PSPC1: variants seen among roughly 807,000 people sequenced by gnomAD.
PSPC1 encodes the protein paraspeckle protein 1.
Under a neutral mutation model 51.6 loss-of-function variants are expected in PSPC1, and 14 were observed. The ratio of observed to expected loss-of-function variants is 0.27; its 90% confidence interval spans 0.18 to 0.42. The LOEUF (loss-of-function observed/expected upper bound fraction) is 0.42. PSPC1 is among the 10% of genes least tolerant of loss of function. The pLI is 1.00. For synonymous variants in PSPC1, 193 were observed against 231.9 expected (o/e 0.83, Z 1.53); for missense variants, 406 against 701.1 (o/e 0.58, Z 4.75).
At chr13:19,704,888 T>A (rs1593573171) in intron 8 of PSPC1, among the ~76,000 whole-genome samples, 1 of 152,198 alleles carries the variant, frequency 6.6e-6, no homozygotes, top group East Asian at 1.9e-4. Flanking sequence ...AATGGTGGTT[T>A]GGAAATACAC....
At position 19,730,299 on chromosome 13, in the gene PSPC1, G is replaced by C. The variant is rs1566001225; in HGVS notation, c.1098C>G (p.His366Gln). The change falls in exon 6 of 9, where the codon CAC (histidine) becomes CAG (glutamine). Residue 366 changes from histidine to glutamine, a missense_variant. By Grantham distance (24) the His-to-Gln change is conservative. Around this residue, in one of 5 missense-constraint regions of PSPC1, gnomAD observed 61 missense variants for 78.4 expected, o/e 0.78. Transcript: ENST00000338910. ...HRRREEEMIRHREQEELRRQQ... is the reference protein window; with the variant it reads ...HRRREEEMIRQREQEELRRQQ... ...GTCGCCTCAGTTCCTCCTGTTCTCT[G>C]TGTCGGATCATTTCTTCCTCACGCC... 1 of 1,613,972 alleles carries C rather than the reference G, an allele frequency of 6.2e-7. No individual in the cohort carries two copies. Among genetic ancestry groups the C allele is most frequent in the Admixed American group, 1.7e-5 (1 of 59,996 alleles).
intron 7 of PSPC1, among the ~76,000 whole-genome samples, chr13:19,676,534 G>C (rs1446786971): frequency 1.2e-4 from 19 of 152,018 alleles, no homozygotes; most frequent in Admixed American, 9.8e-4. Context: ...CTCAAACCAA[G>C]TGCACACAAA....
intron 1 of PSPC1, among the ~76,000 whole-genome samples, chr13:19,774,266 A>G (rs542021808): frequency 1.3e-5 from 2 of 152,308 alleles, no homozygotes; most frequent in South Asian, 2.1e-4. Context: ...CTCTCCAAGG[A>G]CAACTGAAGA....
chr13:19,758,130 T>C (rs889107843), intron 3 of PSPC1, among the ~76,000 whole-genome samples: 9 of 151,950 alleles, frequency 5.9e-5, no homozygotes, highest in Admixed American at 1.3e-4. Flanking sequence ...CTGGCTAACA[T>C]GGTGAAACCC....
At position 19,765,255 on chromosome 13, in the gene PSPC1, C is replaced by T. The variant is rs186562450; in HGVS notation, c.675-5837G>A. Among the ~76,000 whole-genome samples, 694 of 151,042 alleles carry T rather than the reference C, an allele frequency of 4.6e-3. 5 individuals carry two copies. Among genetic ancestry groups the T allele is most frequent in the South Asian group, 0.026 (126 of 4,774 alleles). ...ACAGGAATCACTTGAACCCAGAAGGCAGAGGTTGCAGTGAGCCAAGATCAT... is the reference window on the plus strand; with the variant it reads ...ACAGGAATCACTTGAACCCAGAAGGTAGAGGTTGCAGTGAGCCAAGATCAT... On this transcript the variant is annotated intron_variant, in intron 2 of 8. Coordinates refer to ENST00000338910, the MANE Select transcript of PSPC1 (RefSeq NM_001354909.2).
At chr13:19,730,603 C>A (rs1219947277) in intron 5 of PSPC1, among the ~76,000 whole-genome samples, 2 of 151,866 alleles carry the variant, frequency 1.3e-5, no homozygotes, top group Non-Finnish European at 2.9e-5. Context: ...TAGTTATTTG[C>A]GTATATTCAA....
intron 7 of PSPC1, among the ~76,000 whole-genome samples, chr13:19,708,380 T>C (rs1880967940): frequency 6.6e-6 from 1 of 152,260 alleles, no homozygotes; most frequent in Non-Finnish European, 1.5e-5. Context: ...TTTAGCTTCA[T>C]AACACCTTTT....
In PSPC1 at chr13:19,732,926, C is replaced by CAAAAAAAAAAAGAAAAAG. The variant is rs34848375; in HGVS notation, c.1053-2583_1053-2582insCTTTTTCTTTTTTTTTTT. Among the ~76,000 whole-genome samples, 1,342 of 142,860 alleles carry CAAAAAAAAAAAGAAAAAG rather than the reference C, an allele frequency of 9.4e-3. 21 individuals carry two copies. Among genetic ancestry groups the CAAAAAAAAAAAGAAAAAG allele is most frequent in the African/African-American group, 0.032 (1,220 of 37,638 alleles). The allele number at this position is 142,860 out of a possible 152,430, so 93.7% of individuals were successfully genotyped here. A position where few individuals can be genotyped will look rare whatever the true frequency, so the allele number is the denominator to read the frequency against. On this transcript the variant is annotated intron_variant, in intron 5 of 8. Transcript: ENST00000338910. ...TGCACAATACAGCGAGACTCCATCT[C>CAAAAAAAAAAAGAAAAAG]AAAAAAAAAAGAAAAAGAAAAAGAA...
intron 6 of PSPC1, among the ~76,000 whole-genome samples, chr13:19,689,432 T>C (rs1019019638): frequency 1.3e-5 from 2 of 152,218 alleles, no homozygotes; most frequent in Non-Finnish European, 2.9e-5. Flanking sequence ...CTAGAGTTGA[T>C]TCCATTTATT....
intron 6 of PSPC1, among the ~76,000 whole-genome samples, chr13:19,694,071 C>T (rs1226874471): frequency 2.3e-5 from 3 of 132,902 alleles, no homozygotes; most frequent in East Asian, 2.5e-4. Flanking sequence ...TGCAGTGAGC[C>T]GAGATCGCAC....
chr13:19,737,775 T>G lies in PSPC1; in HGVS notation c.1052+3790A>C, dbSNP rs185799232. On this transcript the variant is annotated intron_variant, in intron 5 of 8. Transcript: ENST00000338910. ...TACTGAAGCTTCTAGGGCCTCTCAG[T>G]AGAAAAAGCCATAAAATACAGCATA... is the stretch of plus-strand genomic sequence containing the variant. Among the ~76,000 whole-genome samples the G allele has an allele frequency of 3.3e-5, 5 of 151,944 alleles. No homozygotes were observed. The South Asian group carries it at 1.0e-3, about 32-fold the overall frequency.
At chr13:19,738,225 ACACT>A (rs1885054072) in intron 5 of PSPC1, among the ~76,000 whole-genome samples, 1 of 152,170 alleles carries the variant, frequency 6.6e-6, no homozygotes, top group Non-Finnish European at 1.5e-5. Context: ...GATTCAAATC[ACACT>A]CACACAGGAT....
At chr13:19,737,651 C>T (rs752133378) in intron 5 of PSPC1, among the ~76,000 whole-genome samples, 1 of 151,972 alleles carries the variant, frequency 6.6e-6, no homozygotes, top group Non-Finnish European at 1.5e-5. Context: ...ATGCAAAAAC[C>T]CTGTTTCTCA....
At chr13:19,680,570 TGAA>T (rs1877160460) in intron 6 of PSPC1, among the ~76,000 whole-genome samples, 1 of 152,136 alleles carries the variant, frequency 6.6e-6, no homozygotes, top group African/African-American at 2.4e-5. Flanking sequence ...TTCCTCATTC[TGAA>T]GAACAGCATC....
At chr13:19,781,521 TC>T (rs1889968136) in intron 1 of PSPC1, among the ~76,000 whole-genome samples, 1 of 152,072 alleles carries the variant, frequency 6.6e-6, no homozygotes, top group Non-Finnish European at 1.5e-5. Context: ...TCAACTATTC[TC>T]CCCCCTATAA....
intron 6 of PSPC1, among the ~76,000 whole-genome samples, chr13:19,685,736 T>C (rs1288480089): frequency 6.6e-6 from 1 of 152,188 alleles, no homozygotes; most frequent in Non-Finnish European, 1.5e-5. Flanking sequence ...ATTTTGACCA[T>C]TCTAGTTTCC....
At chr13:19,778,118 T>C (rs1338753482) in intron 1 of PSPC1, among the ~76,000 whole-genome samples, 1 of 151,690 alleles carries the variant, frequency 6.6e-6, no homozygotes, top group African/African-American at 2.4e-5. Context: ...TGCATGCGCC[T>C]GTAGTCCCAG....
intron 6 of PSPC1, among the ~76,000 whole-genome samples, chr13:19,726,038 C>T (rs890540726): frequency 2.6e-5 from 4 of 152,190 alleles, no homozygotes; most frequent in African/African-American, 9.6e-5. Flanking sequence ...GCCTACTCTC[C>T]CAGCTACTTG....
At chr13:19,763,008 G>A (rs911566517) in intron 2 of PSPC1, among the ~76,000 whole-genome samples, 3 of 152,014 alleles carry the variant, frequency 2.0e-5, no homozygotes, top group African/African-American at 7.2e-5. Context: ...GGGAGGCTGA[G>A]GCAGGATAAT....
Sources: gnomAD v4.1 joint callset for allele counts (sites outside exome capture counted in the v4.1 genomes callset) on GRCh38, gnomAD v4.1.1 for gene constraint, gnomAD v4.1.1 regional missense constraint, MANE v1.5 for transcripts, NCBI Gene and HGNC (gene_info 2026-07-23, HGNC 2026-07-21) for gene names.